Variants in ADGRL3 observed in about 807,000 individuals in gnomAD.
The protein encoded by ADGRL3 is adhesion G protein-coupled receptor L3.
ADGRL3 carries 62 observed loss-of-function variants against 153.5 expected under a neutral mutation model. That is an observed-to-expected ratio of 0.40 (90% confidence interval 0.33 to 0.50). The LOEUF is 0.50. ADGRL3 is among the 20% of genes least tolerant of loss of function. The pLI is 0.47. For synonymous variants in ADGRL3, 710 were observed against 672.5 expected, an observed-to-expected ratio of 1.06 and a Z score of -0.86; for missense variants, 1,641 against 1,859.4, an observed-to-expected ratio of 0.88 and a Z score of 2.16.
intron 5 of ADGRL3, among the ~76,000 whole-genome samples, chr4:61,600,953 T>C (rs1178953436): frequency 1.3e-5 from 2 of 152,170 alleles, no homozygotes; most frequent in Non-Finnish European, 2.9e-5. Context: ...TTACAACATA[T>C]GCAGTTTAAC....
At chr4:61,456,952 T>A (rs2097762632) in intron 2 of ADGRL3, among the ~76,000 whole-genome samples, 1 of 152,082 alleles carries the variant, frequency 6.6e-6, no homozygotes, top group Admixed American at 6.6e-5. Context: ...ATACATGTTT[T>A]CATGTAATTC....
intron 13 of ADGRL3, among the ~76,000 whole-genome samples, chr4:61,932,028 T>C (rs1441870073): frequency 6.6e-6 from 1 of 152,044 alleles, no homozygotes; most frequent in Non-Finnish European, 1.5e-5. Flanking sequence ...CACACACATA[T>C]ACATTCATAT....
At chr4:61,436,694 G>A (rs1057146443) in intron 2 of ADGRL3, among the ~76,000 whole-genome samples, 15 of 152,090 alleles carry the variant, frequency 9.9e-5, no homozygotes, top group African/African-American at 3.4e-4. Context: ...AAACATCATG[G>A]TGGTCCCTAA....
intron 6 of ADGRL3, among the ~76,000 whole-genome samples, chr4:61,682,268 A>T (rs1006191385): frequency 6.6e-6 from 1 of 151,944 alleles, no homozygotes; most frequent in African/African-American, 2.4e-5. Context: ...TATCAGCTAT[A>T]TAAATTTTTT....
intron 8 of ADGRL3, among the ~76,000 whole-genome samples, chr4:61,776,983 A>G (rs2097158936): frequency 6.6e-6 from 1 of 152,164 alleles, no homozygotes; most frequent in Non-Finnish European, 1.5e-5. Context: ...TTGTTTTTGA[A>G]AGCAGGTTAA....
intron 2 of ADGRL3, among the ~76,000 whole-genome samples, chr4:61,457,587 A>G (rs1245490682): frequency 1.3e-5 from 2 of 151,906 alleles, no homozygotes; most frequent in African/African-American, 2.4e-5. Flanking sequence ...TTGGCCTTTA[A>G]TTTACATTTT....
rs575401191 is a variant in ADGRL3, at chr4:62,016,151, C to T, written c.3396-12704C>T. ...GAAACCTCCGCCTCTCAGGTTCAAG[C>T]GATTCTCCTGCCTCAGCCTCCCGTG... On this transcript the variant is annotated intron_variant, in intron 21 of 26. Coordinates refer to ENST00000683033, the MANE Select transcript of ADGRL3 (RefSeq NM_001387552.1). Among the ~76,000 whole-genome samples the T allele has an allele frequency of 2.0e-5, 3 of 152,032 alleles. No individual in the cohort carries two copies. The South Asian group carries it at 6.2e-4, about 32-fold the overall frequency.
intron 26 of ADGRL3, among the ~76,000 whole-genome samples, chr4:62,068,580 C>T (rs530378562): frequency 6.8e-4 from 103 of 151,980 alleles, no homozygotes; most frequent in Non-Finnish European, 1.1e-3. Flanking sequence ...ATTGACAAAC[C>T]GAAATAATAA....
At chr4:61,808,788 C>A (rs956416494) in intron 8 of ADGRL3, among the ~76,000 whole-genome samples, 6 of 140,570 alleles carry the variant, frequency 4.3e-5, no homozygotes, top group African/African-American at 1.7e-4. Flanking sequence ...AACAAGAAAT[C>A]GGGCTTTTTT....
At chr4:61,291,556 CTATATATATACATATA>C (rs1363996196) in intron 1 of ADGRL3, among the ~76,000 whole-genome samples, 24 of 65,976 alleles carry the variant, frequency 3.6e-4, no homozygotes, top group African/African-American at 1.0e-3. Context: ...GAAGGGAAGA[CTATATATATACATATA>C]TATATATATA....
At chr4:61,752,079 T>C (rs2096764085) in intron 8 of ADGRL3, among the ~76,000 whole-genome samples, 1 of 152,170 alleles carries the variant, frequency 6.6e-6, no homozygotes, top group Non-Finnish European at 1.5e-5. Flanking sequence ...CTGGTTGGAA[T>C]ATAAAATGTT....
intron 1 of ADGRL3, among the ~76,000 whole-genome samples, chr4:61,332,678 T>G (rs1027253780): frequency 3.3e-5 from 5 of 152,076 alleles, no homozygotes; most frequent in Non-Finnish European, 7.4e-5. Flanking sequence ...ATAATTAAGG[T>G]TTTAATGTGT....
At chr4:62,029,862 G>C (rs953557965) in intron 22 of ADGRL3, among the ~76,000 whole-genome samples, 2 of 151,332 alleles carry the variant, frequency 1.3e-5, no homozygotes, top group Non-Finnish European at 3.0e-5. Flanking sequence ...TGATTTAATG[G>C]CAATTCTTAT....
intron 1 of ADGRL3, among the ~76,000 whole-genome samples, chr4:61,316,532 G>A (rs2095220046): frequency 6.6e-6 from 1 of 152,206 alleles, no homozygotes; most frequent in Middle Eastern, 3.2e-3. Flanking sequence ...CTGGTGAATT[G>A]TAAGAAGGAA....
rs1210670345 is a variant in ADGRL3 at position 61,744,523 on chromosome 4, G to C, written c.1399+10969G>C. ...GTACTCCTCTGAGACAAAAATTCCA[G>C]AGGAGCTATCAGGCAGCAGCGTTTG... On this transcript the variant is annotated intron_variant, in intron 8 of 26. Coordinates refer to ENST00000683033, the MANE Select transcript of ADGRL3 (RefSeq NM_001387552.1). Among the ~76,000 whole-genome samples the C allele has an allele frequency of 3.9e-5, 6 of 152,120 alleles. No individual in the cohort carries two copies. The East Asian group carries it at 9.7e-4, about 25-fold the overall frequency.
At chr4:61,381,398 G>T (rs2151900069) in intron 1 of ADGRL3, among the ~76,000 whole-genome samples, 1 of 151,296 alleles carries the variant, frequency 6.6e-6, no homozygotes, top group African/African-American at 2.4e-5. Context: ...TTAGGTGTTT[G>T]GTTCCTTAGA....
intron 2 of ADGRL3, among the ~76,000 whole-genome samples, chr4:61,492,579 T>G (rs2098270009): frequency 6.6e-6 from 1 of 151,972 alleles, no homozygotes; most frequent in African/African-American, 2.4e-5. Context: ...TATTAAAAAA[T>G]AAAACTGGGG....
chr4:62,065,638 AT>A, intron 25 of ADGRL3, among the ~76,000 whole-genome samples: 2 of 152,184 alleles, frequency 1.3e-5, no homozygotes, highest in South Asian at 4.2e-4. Context: ...AAAACAAATA[AT>A]AAATTTGGAC....
intron 2 of ADGRL3, among the ~76,000 whole-genome samples, chr4:61,450,962 A>G (rs1488928432): frequency 3.3e-5 from 5 of 152,102 alleles, no homozygotes; most frequent in Non-Finnish European, 7.4e-5. Flanking sequence ...ACACAATTAC[A>G]ATAGTATTAG....
Sources: gnomAD v4.1 joint callset for allele counts (sites outside exome capture counted in the v4.1 genomes callset) on GRCh38, gnomAD v4.1.1 for gene constraint, MANE v1.5 for transcripts, NCBI Gene and HGNC (gene_info 2026-07-23, HGNC 2026-07-21) for gene names.